The following MRTFB variants were observed in gnomAD, a reference collection of about 807,000 sequenced individuals.
MRTFB encodes the protein myocardin-related transcription factor B.
Under a neutral mutation model 104.2 loss-of-function variants are expected in MRTFB, and 29 were observed. That is an observed-to-expected ratio of 0.28 (90% confidence interval 0.21 to 0.38). The LOEUF (loss-of-function observed/expected upper bound fraction) is 0.38, where lower values mean the gene tolerates loss of function less well. MRTFB is among the 10% of genes least tolerant of loss of function. The probability of loss-of-function intolerance (pLI) is 1.00; values close to 1 mark genes in which losing one functional copy is unlikely to be tolerated. For synonymous variants in MRTFB, 535 were observed against 519.5 expected, an observed-to-expected ratio of 1.03 and a Z score of -0.41; for missense variants, 1,270 against 1,341.6, an observed-to-expected ratio of 0.95 and a Z score of 0.83.
At chr16:14,192,340 C>T (rs1008283636) in intron 3 of MRTFB, among the ~76,000 whole-genome samples, 7 of 152,118 alleles carry the variant, frequency 4.6e-5, no homozygotes, top group African/African-American at 1.7e-4. Context: ...TGCCACTGCA[C>T]TCCAGCCTGG....
At chr16:14,225,167 CAA>C (rs1277042008) in intron 8 of MRTFB, among the ~76,000 whole-genome samples, 2 of 152,072 alleles carry the variant, frequency 1.3e-5, no homozygotes, top group Non-Finnish European at 2.9e-5. Flanking sequence ...GCCTGGGCAA[CAA>C]GAGCAGAATT....
At chr16:14,144,291 T>C (rs1334357907) in intron 3 of MRTFB, 1 of 152,200 alleles carries the variant, frequency 6.6e-6, no homozygotes, top group East Asian at 1.9e-4. Flanking sequence ...CAGGAAGTTA[T>C]TATAGAAGCC....
intron 2 of MRTFB, among the ~76,000 whole-genome samples, chr16:14,137,547 G>A (rs1005534537): frequency 1.6e-4 from 24 of 152,190 alleles, no homozygotes; most frequent in African/African-American, 5.8e-4. Flanking sequence ...TTAATTTGAT[G>A]TGAACAGATT....
chr16:14,134,761 A>G (rs796076534), intron 2 of MRTFB, among the ~76,000 whole-genome samples: 1 of 152,170 alleles, frequency 6.6e-6, no homozygotes, highest in Non-Finnish European at 1.5e-5. Flanking sequence ...GCTCCAATTT[A>G]TGTGCATTTT....
intron 3 of MRTFB, among the ~76,000 whole-genome samples, chr16:14,184,231 T>G (rs981278772): frequency 3.3e-5 from 5 of 150,970 alleles, no homozygotes; most frequent in African/African-American, 1.2e-4. Flanking sequence ...GATTTTTTTT[T>G]TTTTTTTTTG....
chr16:14,213,785 C>A (rs1409100489), intron 6 of MRTFB, among the ~76,000 whole-genome samples, 165 bp downstream of exon 6: 1 of 152,102 alleles, frequency 6.6e-6, no homozygotes, highest in African/African-American at 2.4e-5. Context: ...ATGTTAGATA[C>A]ACAGGGAAGG....
At chr16:14,172,930 C>T (rs752060776) in intron 3 of MRTFB, among the ~76,000 whole-genome samples, 1 of 151,926 alleles carries the variant, frequency 6.6e-6, no homozygotes, top group African/African-American at 2.4e-5. Context: ...TTGGGTTTTT[C>T]CTTTAATGTG....
intron 8 of MRTFB, among the ~76,000 whole-genome samples, chr16:14,226,856 C>T (rs2042025115): frequency 6.6e-6 from 1 of 151,810 alleles, no homozygotes; most frequent in African/African-American, 2.4e-5. Flanking sequence ...GTGGCGTGCA[C>T]CTATAGTCCT....
chr16:14,052,610 A>T, the MRTFB span, among the ~76,000 whole-genome samples: 1 of 152,074 alleles, frequency 6.6e-6, no homozygotes, highest in East Asian at 1.9e-4. Context: ...ACGGTGGCTT[A>T]TGCCTGTAAT....
the MRTFB span, among the ~76,000 whole-genome samples, chr16:14,045,741 A>C: frequency 6.6e-6 from 1 of 152,188 alleles, no homozygotes; most frequent in Non-Finnish European, 1.5e-5. Context: ...TGTCTCACTG[A>C]CTTCTGAGAA....
intron 7 of MRTFB, among the ~76,000 whole-genome samples, chr16:14,218,442 A>C (rs1008026269): frequency 6.6e-6 from 1 of 152,026 alleles, no homozygotes; most frequent in African/African-American, 2.4e-5. Flanking sequence ...ATTTCTGTTA[A>C]ATCTTAATCT....
At chr16:14,254,498 A>T (rs529884381) in intron 15 of MRTFB, among the ~76,000 whole-genome samples, 1 of 152,340 alleles carries the variant, frequency 6.6e-6, no homozygotes, top group African/African-American at 2.4e-5. Context: ...AGATAACTGA[A>T]TTGAGAGCAA....
chr16:14,210,590 T>C (rs944671801), intron 4 of MRTFB, among the ~76,000 whole-genome samples: 1 of 152,240 alleles, frequency 6.6e-6, no homozygotes, highest in African/African-American at 2.4e-5. Context: ...CTTTAATATT[T>C]GTTTTAGTTT....
chr16:14,012,285 C>CTTTT, the MRTFB span, among the ~76,000 whole-genome samples: 5 of 108,426 alleles, frequency 4.6e-5, no homozygotes, highest in African/African-American at 1.3e-4. Context: ...TTGACATTTT[C>CTTTT]TTTTTCTTTC....
chr16:14,089,110 G>A (rs1301160781), intron 2 of MRTFB, among the ~76,000 whole-genome samples: 1 of 152,164 alleles, frequency 6.6e-6, no homozygotes, highest in Admixed American at 6.5e-5. Context: ...GCACGGAGGT[G>A]TTGCTATATG....
At chr16:14,013,917 T>C in the MRTFB span, among the ~76,000 whole-genome samples, 2 of 152,216 alleles carry the variant, frequency 1.3e-5, no homozygotes. Context: ...GCATGTGAAG[T>C]CCACCCTCGC....
the MRTFB span, among the ~76,000 whole-genome samples, chr16:14,045,871 G>A: frequency 6.6e-6 from 1 of 152,186 alleles, no homozygotes; most frequent in Non-Finnish European, 1.5e-5. Context: ...TTGTGAAAGA[G>A]AAGAGAGAAA....
Position 14,190,809 on chromosome 16 carries a change from C to G in MRTFB, c.155-19434C>G, listed in dbSNP as rs369180804. Among the ~76,000 whole-genome samples, 5 of 152,192 alleles carry G rather than the reference C, an allele frequency of 3.3e-5. No homozygotes were observed. In the East Asian group the frequency reaches 7.7e-4, roughly 23 times the overall value. ...AAGAAGTGACCTGGGGACCTGGGCT[C>G]CTGTCATTGTGTGGCTCAACCAGGA... is the stretch of plus-strand genomic sequence containing the variant. On this transcript the variant is annotated intron_variant, in intron 3 of 16. Transcript: ENST00000571589.
chr16:14,196,955 CTCTTTTT>C (rs1344425806), intron 3 of MRTFB, among the ~76,000 whole-genome samples: 1 of 142,598 alleles, frequency 7.0e-6, no homozygotes, highest in Admixed American at 7.1e-5. Context: ...TTAGTGCTTT[CTCTTTTT>C]TCTTTTTTTT....
Sources: gnomAD v4.1 joint callset for allele counts (sites outside exome capture counted in the v4.1 genomes callset) on GRCh38, gnomAD v4.1.1 for gene constraint, MANE v1.5 for transcripts, NCBI Gene and HGNC (gene_info 2026-07-23, HGNC 2026-07-21) for gene names.